The following FECH variants were observed in gnomAD, a reference collection of about 807,000 sequenced individuals.
FECH encodes the protein ferrochelatase, also known as ferrochelatase, mitochondrial.
A neutral mutation model predicts 56.9 loss-of-function variants in FECH; 40 were observed. That is an observed-to-expected ratio of 0.70 (90% CI 0.55 to 0.92). The LOEUF (loss-of-function observed/expected upper bound fraction) is 0.92, where lower values mean the gene tolerates loss of function less well. Ranked by LOEUF, FECH falls within the 40% of genes least tolerant of loss-of-function variation. The pLI, the probability that FECH is intolerant of heterozygous loss-of-function variation, is 0.00. For synonymous variants in FECH, 175 were observed against 198.6 expected (o/e 0.88, Z 1.00); for missense variants, 431 against 529.1 (o/e 0.81, Z 1.82).
At chr18:57,574,637 C>G (rs900598138) in intron 2 of FECH, among the ~76,000 whole-genome samples, 1 of 152,246 alleles carries the variant, frequency 6.6e-6, no homozygotes, top group African/African-American at 2.4e-5. Context: ...CCAGGAGCTC[C>G]CCACTCCTAA....
Position 57,551,367 on chromosome 18 carries a change from A to C in FECH, c.1085T>G (p.Val362Gly), listed in dbSNP as rs118204040. 2 of 1,612,610 alleles carry C rather than the reference A, an allele frequency of 1.2e-6. No homozygotes were observed. Among genetic ancestry groups the C allele is most frequent in the Non-Finnish European group, 1.7e-6 (2 of 1,178,806 alleles). The change falls in exon 10 of 11, where the codon GTT (valine) becomes GGT (glycine). Residue 362 changes from valine (V) to glycine (G), a missense_variant. Transcript: ENST00000262093. Reference sequence around the variant, plus strand: ...AGACTCAGCTCTTCTGATGTTTTCAACTCCACACTGAATCAAATGAGAAAA... The same window carrying C: ...AGACTCAGCTCTTCTGATGTTTTCACCTCCACACTGAATCAAATGAGAAAA... ...YSQVLAKECG[V>G]ENIRRAESLN... is the part of the protein sequence containing the mutation.
At chr18:57,555,016 T>C in intron 7 of FECH, 64 bp from the exon 8 acceptor site, 1 of 1,271,342 alleles carries the variant, frequency 7.9e-7, no homozygotes, top group Non-Finnish European at 1.1e-6. Context: ...AGCCTCTGAC[T>C]ATGTGCTGAC....
chr18:57,578,919 A>G (rs2051223094), intron 2 of FECH, among the ~76,000 whole-genome samples: 1 of 151,446 alleles, frequency 6.6e-6, no homozygotes. Flanking sequence ...AGATCAAGTC[A>G]CTGCACTCCA....
intron 5 of FECH, among the ~76,000 whole-genome samples, chr18:57,563,369 G>T (rs985273185): frequency 1.1e-4 from 16 of 152,080 alleles, no homozygotes; most frequent in Non-Finnish European, 2.2e-4. Context: ...ATCACCTGAG[G>T]TTGGGAGTTT....
rs552640206 is a variant in FECH at position 57,557,947 on chromosome 18, C to T, written c.804+1198G>A. ...ATGACACCAGAAAAGGAAAAGCAAA[C>T]CCATTAAAATAGGCAGGCTTCCAGA... is the stretch of plus-strand genomic sequence containing the variant. On this transcript the variant is annotated intron_variant, in intron 7 of 10. Transcript: ENST00000262093. 1.8e-4 allele frequency among the ~76,000 whole-genome samples: 27 copies of T among 152,276 alleles called. No homozygotes were observed. The South Asian group carries it at 4.6e-3, about 26-fold the overall frequency.
intron 6 of FECH, among the ~76,000 whole-genome samples, chr18:57,559,523 C>T (rs1049167578): frequency 6.6e-6 from 1 of 152,064 alleles, no homozygotes; most frequent in Non-Finnish European, 1.5e-5. Context: ...TGCTTCCCCT[C>T]GGGAAGGACA....
chr18:57,561,184 A>G (rs1038805647), intron 6 of FECH, among the ~76,000 whole-genome samples: 5 of 152,188 alleles, frequency 3.3e-5, no homozygotes, highest in African/African-American at 9.6e-5. Context: ...CTAAATAAAT[A>G]CCAATATTAG....
At chr18:57,569,677 C>G (rs189586504) in intron 4 of FECH, among the ~76,000 whole-genome samples, 3 of 152,198 alleles carry the variant, frequency 2.0e-5, no homozygotes, top group East Asian at 3.9e-4. Context: ...TCTGCTTCAG[C>G]CTCCCAAACT....
In FECH at chr18:57,545,284, T is replaced by C. The variant is rs940714892; in HGVS notation, c.*5428A>G. On this transcript the variant is annotated 3_prime_UTR_variant, in exon 11 of 11. Transcript: ENST00000262093. ...AATGTTTTTAATTCCAACATCCATCTTAATGGCCTACTGTAGCCTAATTTA... is the reference window on the plus strand; with the variant it reads ...AATGTTTTTAATTCCAACATCCATCCTAATGGCCTACTGTAGCCTAATTTA... Among the ~76,000 whole-genome samples, 2 of 152,258 alleles carry C rather than the reference T, an allele frequency of 1.3e-5. No individual in the cohort carries two copies. Among genetic ancestry groups the C allele is most frequent in the African/African-American group, 4.8e-5 (2 of 41,478 alleles).
chr18:57,562,938 C>T lies in FECH; in HGVS notation c.641G>A (p.Gly214Glu). ...NAIYRYYNQV[G>E]RKPTMKWSTI... is the part of the protein sequence containing the mutation. ...GCTCCACTTCATCGTGGGCTTCCGTCCCACTTGATTATAGTATCTGTAAAT... is the reference window on the plus strand; with the variant it reads ...GCTCCACTTCATCGTGGGCTTCCGTTCCACTTGATTATAGTATCTGTAAAT... Residue 214 changes from glycine (G) to glutamate (E), a missense_variant, in exon 6 of 11, where the codon GGA (glycine) becomes GAA (glutamate). By Grantham distance (98) the Gly-to-Glu change is moderately conservative. Transcript: ENST00000262093. The T allele has an allele frequency of 6.2e-7, 1 of 1,614,044 alleles. No individual in the cohort carries two copies. The highest frequency in any genetic ancestry group is 2.2e-5 in the East Asian group (1 of 44,884).
chr18:57,568,868 G>A (rs1195105588), intron 4 of FECH, among the ~76,000 whole-genome samples: 1 of 152,216 alleles, frequency 6.6e-6, no homozygotes, highest in African/African-American at 2.4e-5. Flanking sequence ...CTGTGCCAAT[G>A]ATGAATTAAA....
At chr18:57,578,687 C>T (rs1184766892) in intron 2 of FECH, among the ~76,000 whole-genome samples, 3 of 150,572 alleles carry the variant, frequency 2.0e-5, no homozygotes, top group Non-Finnish European at 3.0e-5. Context: ...AAAATAAAAA[C>T]GGTGGCTCAC....
intron 4 of FECH, among the ~76,000 whole-genome samples, chr18:57,567,082 T>A (rs1209396222): frequency 6.6e-6 from 1 of 152,060 alleles, no homozygotes; most frequent in African/African-American, 2.4e-5. Context: ...AGCCTGGGTC[T>A]CCCAACCCAT....
At position 57,549,357 on chromosome 18, in the gene FECH, T is replaced by C. The variant is rs1277369248; in HGVS notation, c.*1355A>G. 6.7e-6 allele frequency: 1 copy of C among 150,316 alleles called. No homozygotes were observed. The highest frequency in any genetic ancestry group is 2.5e-5 in the African/African-American group (1 of 40,714). 9.3% of individuals were successfully genotyped at this position (150,316 alleles called of 1,614,324 possible). Reference sequence around the variant, plus strand: ...AACCTTAATGATGTTGTAATATTTATTAACATAGCCAATTCTCAATATAGA... The same window carrying C: ...AACCTTAATGATGTTGTAATATTTACTAACATAGCCAATTCTCAATATAGA... On this transcript the variant is annotated 3_prime_UTR_variant, in exon 11 of 11. Transcript: ENST00000262093.
At chr18:57,566,199 C>A (rs974649047) in intron 5 of FECH, among the ~76,000 whole-genome samples, 2 of 152,182 alleles carry the variant, frequency 1.3e-5, no homozygotes, top group African/African-American at 4.8e-5. Context: ...CATTAAAGCA[C>A]TGAACACTGA....
At chr18:57,580,371 G>C (rs2051259523) in intron 1 of FECH, among the ~76,000 whole-genome samples, 172 bp from the exon 2 acceptor site, 1 of 152,140 alleles carries the variant, frequency 6.6e-6, no homozygotes, top group African/African-American at 2.4e-5. Context: ...TCTCCAAGGG[G>C]ATGGGGTGGA....
rs1377833581 is a variant in FECH, at chr18:57,545,711, A to G, written c.*5001T>C. On this transcript the variant is annotated 3_prime_UTR_variant, in exon 11 of 11. Transcript: ENST00000262093. ...ACTTGGCTGAGTGCTATATAGCTCT[A>G]CACACTTTATATTTTGCAAAATACG... Among the ~76,000 whole-genome samples the G allele has an allele frequency of 6.6e-6, 1 of 152,222 alleles. No homozygotes were observed. The highest frequency in any genetic ancestry group is 2.4e-5 in the African/African-American group (1 of 41,454).
At chr18:57,568,641 A>C (rs1211988936) in intron 4 of FECH, among the ~76,000 whole-genome samples, 1 of 152,154 alleles carries the variant, frequency 6.6e-6, no homozygotes. Context: ...CCCAAAACAC[A>C]TCACTCACTG....
chr18:57,568,376 C>T (rs1258396017), intron 4 of FECH, among the ~76,000 whole-genome samples: 1 of 152,176 alleles, frequency 6.6e-6, no homozygotes, highest in African/African-American at 2.4e-5. Context: ...GTAAAATACC[C>T]TGGAAAGAAC....
Sources: allele counts gnomAD v4.1 joint callset (sites outside exome capture counted in the v4.1 genomes callset), GRCh38; gene constraint gnomAD v4.1.1; transcripts MANE v1.5; gene names NCBI Gene and HGNC (gene_info 2026-07-23, HGNC 2026-07-21).